The following DIAPH3 variants were observed in gnomAD, a reference collection of about 807,000 sequenced individuals.
The protein encoded by DIAPH3 is diaphanous related formin 3, also known as protein diaphanous homolog 3.
In DIAPH3, 117 loss-of-function variants were observed where a neutral mutation model predicts 144.3. The ratio of observed to expected loss-of-function variants is 0.81; its 90% CI spans 0.70 to 0.95. DIAPH3 has a LOEUF of 0.95. Ranked by LOEUF, DIAPH3 falls within the 40% of genes least tolerant of loss-of-function variation. The probability of loss-of-function intolerance (pLI) is 0.00; values close to 1 mark genes in which losing one functional copy is unlikely to be tolerated. For synonymous variants in DIAPH3, 519 were observed against 488.9 expected (o/e 1.06, Z -0.81); for missense variants, 1,421 against 1,412.7 (o/e 1.01, Z -0.09).
chr13:59,672,781 A>G (rs1243869226), intron 27 of DIAPH3, among the ~76,000 whole-genome samples: 1 of 152,214 alleles, frequency 6.6e-6, no homozygotes, highest in African/African-American at 2.4e-5. Flanking sequence ...TCAAAGAGCA[A>G]AAGGTCATTT....
intron 25 of DIAPH3, among the ~76,000 whole-genome samples, chr13:59,807,072 GA>G (rs571401272): frequency 4.6e-5 from 7 of 151,612 alleles, no homozygotes; most frequent in South Asian, 4.2e-4. Flanking sequence ...TTTTAAAAAT[GA>G]AAAAAGTTAT....
chr13:59,987,359 A>C (rs1259202740), intron 12 of DIAPH3, among the ~76,000 whole-genome samples: 6 of 151,684 alleles, frequency 4.0e-5, no homozygotes, highest in Non-Finnish European at 7.4e-5. Context: ...TAGCATTTGG[A>C]GATATACCTA....
At chr13:59,831,630 C>T (rs1309772019) in intron 24 of DIAPH3, among the ~76,000 whole-genome samples, 1 of 151,736 alleles carries the variant, frequency 6.6e-6, no homozygotes, top group Non-Finnish European at 1.5e-5. Context: ...TGGCCCAGGG[C>T]CCCAGGTAGA....
chr13:60,106,748 A>C (rs1443955385), intron 3 of DIAPH3, among the ~76,000 whole-genome samples: 1 of 152,172 alleles, frequency 6.6e-6, no homozygotes, highest in Non-Finnish European at 1.5e-5. Context: ...GAGTAAAGCA[A>C]AGGGCCAATA....
chr13:59,811,040 G>A, intron 24 of DIAPH3, 117 bp from the exon 25 acceptor site: 1 of 975,252 alleles, frequency 1.0e-6, no homozygotes, highest in East Asian at 2.5e-5. Flanking sequence ...AGATAATGGT[G>A]AGTTATGTTA....
intron 25 of DIAPH3, among the ~76,000 whole-genome samples, chr13:59,792,270 C>A (rs1439134571): frequency 6.6e-6 from 1 of 152,032 alleles, no homozygotes; most frequent in Non-Finnish European, 1.5e-5. Flanking sequence ...CAGGCTGTCA[C>A]TTTTTTTTCC....
At chr13:59,671,852 T>C (rs2032389654) in intron 27 of DIAPH3, among the ~76,000 whole-genome samples, 1 of 152,182 alleles carries the variant, frequency 6.6e-6, no homozygotes. Context: ...GCCTCTTAAA[T>C]ACTGATACCC....
At chr13:59,760,979 T>C (rs2037549135) in intron 27 of DIAPH3, among the ~76,000 whole-genome samples, 1 of 152,232 alleles carries the variant, frequency 6.6e-6, no homozygotes, top group South Asian at 2.1e-4. Context: ...TTAGTGCTAA[T>C]AAATGGTAAA....
chr13:60,142,280 C>T (rs575068331), intron 1 of DIAPH3, among the ~76,000 whole-genome samples: 1 of 152,254 alleles, frequency 6.6e-6, no homozygotes, highest in Non-Finnish European at 1.5e-5. Context: ...TCATTATTTA[C>T]TTGAGGGCCC....
intron 4 of DIAPH3, among the ~76,000 whole-genome samples, chr13:60,082,016 C>A (rs1187264252): frequency 6.6e-6 from 1 of 151,634 alleles, no homozygotes; most frequent in Non-Finnish European, 1.5e-5. Context: ...ACCTCAAAGA[C>A]AAACCTATAA....
chr13:59,812,272 CCA>C (rs2040523653), intron 24 of DIAPH3, among the ~76,000 whole-genome samples: 1 of 150,876 alleles, frequency 6.6e-6, no homozygotes, highest in Admixed American at 6.6e-5. Context: ...ATCCATCCAT[CCA>C]TCCATCCATC....
At chr13:59,674,674 G>A (rs866184067) in intron 27 of DIAPH3, among the ~76,000 whole-genome samples, 10 of 152,016 alleles carry the variant, frequency 6.6e-5, no homozygotes, top group Non-Finnish European at 1.2e-4. Flanking sequence ...CTCCAATACC[G>A]TATCCACCAT....
intron 17 of DIAPH3, among the ~76,000 whole-genome samples, chr13:59,936,503 T>A (rs1458218709): frequency 2.0e-5 from 3 of 152,176 alleles, no homozygotes; most frequent in Non-Finnish European, 4.4e-5. Context: ...ACTTTTTAAA[T>A]TCACAAGCTG....
intron 18 of DIAPH3, among the ~76,000 whole-genome samples, chr13:59,924,051 A>G (rs1007404165): frequency 4.6e-5 from 7 of 152,180 alleles, no homozygotes; most frequent in Non-Finnish European, 8.8e-5. Flanking sequence ...TCATCACTCT[A>G]GATTCTCCCC....
chr13:59,730,503 C>T (rs146739614), intron 27 of DIAPH3, among the ~76,000 whole-genome samples: 7 of 152,224 alleles, frequency 4.6e-5, no homozygotes, highest in Middle Eastern at 3.4e-3. Flanking sequence ...GGGTGGAATG[C>T]ATCACAGAAA....
intron 4 of DIAPH3, among the ~76,000 whole-genome samples, chr13:60,059,285 C>G (rs1278741696): frequency 6.6e-6 from 1 of 151,852 alleles, no homozygotes; most frequent in Non-Finnish European, 1.5e-5. Context: ...TCTATTTCCA[C>G]AGCTAGATAC....
intron 25 of DIAPH3, among the ~76,000 whole-genome samples, chr13:59,802,466 AAT>A (rs2039953920): frequency 6.6e-6 from 1 of 150,656 alleles, no homozygotes; most frequent in South Asian, 2.1e-4. Flanking sequence ...TCAATTTATA[AAT>A]ATATCAATTT....
chr13:59,774,180 G>A lies in DIAPH3; in HGVS notation c.3319+9C>T. On this transcript the variant is annotated intron_variant, in intron 27 of 27. Coordinates refer to ENST00000400324, the MANE Select transcript of DIAPH3 (RefSeq NM_001042517.2). ...GAAGAATGTGCAATTTATAAATACG[G>A]TTTATTACCATGGTTACAAACTTTC... is the stretch of plus-strand genomic sequence containing the variant. 1 of 1,612,184 alleles carries A rather than the reference G, an allele frequency of 6.2e-7. No homozygotes were observed.
At chr13:59,894,594 C>T (rs2045988530) in intron 20 of DIAPH3, among the ~76,000 whole-genome samples, 1 of 108,650 alleles carries the variant, frequency 9.2e-6, no homozygotes, top group African/African-American at 3.6e-5. Flanking sequence ...CTCAAAAGCA[C>T]ATAAATAGAA....
Sources: allele counts gnomAD v4.1 joint callset (sites outside exome capture counted in the v4.1 genomes callset), GRCh38; gene constraint gnomAD v4.1.1; transcripts MANE v1.5; gene names NCBI Gene and HGNC (gene_info 2026-07-23, HGNC 2026-07-21).